POLE2: variants seen among roughly 807,000 people sequenced by gnomAD.
POLE2 encodes the protein DNA polymerase epsilon 2, accessory subunit.
In POLE2, 56 loss-of-function variants were observed where a neutral mutation model predicts 79.4. The observed-to-expected ratio is 0.71, with a 90% CI of 0.57 to 0.88. POLE2 has a LOEUF of 0.88. POLE2 is among the 40% of genes least tolerant of loss of function. The probability of loss-of-function intolerance (pLI) is 0.00; values close to 1 mark genes in which losing one functional copy is unlikely to be tolerated. For missense variants in POLE2, 598 were observed against 638.9 expected, an observed-to-expected ratio of 0.94 and a Z score of 0.69; for synonymous variants, 212 against 214.0, an observed-to-expected ratio of 0.99 and a Z score of 0.08.
chr14:49,671,373 C>T (rs1220249771), intron 5 of POLE2, among the ~76,000 whole-genome samples: 1 of 152,132 alleles, frequency 6.6e-6, no homozygotes, highest in Non-Finnish European at 1.5e-5. Flanking sequence ...GATCCTAACA[C>T]TTTGGGAGGC....
intron 15 of POLE2, among the ~76,000 whole-genome samples, chr14:49,653,615 G>GT (rs1162458779): frequency 6.6e-6 from 1 of 151,804 alleles, no homozygotes; most frequent in African/African-American, 2.4e-5. Context: ...AATCAAGTTA[G>GT]TTTTTTTGTT....
chr14:49,667,195 C>CAA (rs778056184), intron 6 of POLE2, among the ~76,000 whole-genome samples: 1 of 148,458 alleles, frequency 6.7e-6, no homozygotes, highest in Non-Finnish European at 1.5e-5. Context: ...AAAAAAAAAA[C>CAA]AAAAAAAACA....
intron 5 of POLE2, among the ~76,000 whole-genome samples, chr14:49,671,251 C>T (rs1238510939): frequency 6.6e-6 from 1 of 152,258 alleles, no homozygotes; most frequent in East Asian, 1.9e-4. Context: ...AGATAAACAA[C>T]GAATCCACAG....
At chr14:49,669,815 G>T (rs1195154216) in intron 5 of POLE2, among the ~76,000 whole-genome samples, 1 of 152,158 alleles carries the variant, frequency 6.6e-6, no homozygotes, top group Non-Finnish European at 1.5e-5. Context: ...AAGGTCTATT[G>T]TGTGTATGGC....
intron 3 of POLE2, among the ~76,000 whole-genome samples, chr14:49,676,751 G>A (rs917386814): frequency 6.6e-6 from 1 of 152,226 alleles, no homozygotes; most frequent in South Asian, 2.1e-4. Flanking sequence ...GGGAGCAGGA[G>A]CTGCCCAAAA....
chr14:49,645,713 CGAGCTCAAGT>C (rs893373461), intron 18 of POLE2, among the ~76,000 whole-genome samples: 16 of 152,264 alleles, frequency 1.1e-4, no homozygotes, highest in Admixed American at 5.2e-4. Context: ...CTCTGACTCC[CGAGCTCAAGT>C]GAGCTCAAGT....
chr14:49,684,543 T>G (rs1886981015), intron 1 of POLE2: 1 of 151,694 alleles, frequency 6.6e-6, no homozygotes, highest in Non-Finnish European at 1.5e-5. Context: ...CACATGAATT[T>G]GTGTTATACG....
intron 3 of POLE2, among the ~76,000 whole-genome samples, chr14:49,678,986 G>A (rs1368040141): frequency 1.3e-5 from 2 of 152,034 alleles, no homozygotes; most frequent in African/African-American, 4.8e-5. Flanking sequence ...GAGTTTGCAA[G>A]GGTAAAATTA....
Position 49,663,317 on chromosome 14 carries a change from A to G in POLE2, c.753T>C (p.Thr251=), listed in dbSNP as rs1239217409. ...GFPPTEPSST[T]RAYYGNINFF... Reference sequence around the variant, plus strand: ...GTATAAACCAAACATTTTAATACCTAGTAGTACTAGAGGGCTCAGTGGGTG... The same window carrying G: ...GTATAAACCAAACATTTTAATACCTGGTAGTACTAGAGGGCTCAGTGGGTG... Residue 251 remains threonine (T), a splice_region_variant and synonymous_variant, in exon 10 of 19, where the codon ACT becomes ACC. Coordinates refer to ENST00000216367, the MANE Select transcript of POLE2 (RefSeq NM_002692.4). 6 of 1,558,304 alleles carry G rather than the reference A, an allele frequency of 3.9e-6. No individual in the cohort carries two copies. The highest frequency in any genetic ancestry group is 5.3e-6 in the Non-Finnish European group (6 of 1,135,892).
At chr14:49,682,004 CT>C (rs1157649284) in intron 2 of POLE2, 2,236 of 132,946 alleles carry the variant, frequency 0.017, 31 homozygotes, top group African/African-American at 0.054. Flanking sequence ...TCCACTTATT[CT>C]TTTTTTTTTT....
At chr14:49,670,597 G>T (rs1249416085) in intron 5 of POLE2, among the ~76,000 whole-genome samples, 4 of 152,146 alleles carry the variant, frequency 2.6e-5, no homozygotes, top group African/African-American at 7.2e-5. Context: ...GCCAGTGATT[G>T]GTTCAAGGAT....
chr14:49,646,261 T>A (rs914563540), intron 18 of POLE2, among the ~76,000 whole-genome samples: 1 of 149,570 alleles, frequency 6.7e-6, no homozygotes, highest in Non-Finnish European at 1.5e-5. Flanking sequence ...GACAATAACC[T>A]GGAGGGGAGT....
In POLE2 at chr14:49,655,711, G is replaced by A; in HGVS notation, c.888C>T (p.Asp296=). 6.2e-7 allele frequency: 1 copy of A among 1,609,968 alleles called. No individual in the cohort carries two copies. The highest frequency in any genetic ancestry group is 8.5e-7 in the Non-Finnish European group (1 of 1,178,660). ...MFVFLSDVWL[D]QVEVLEKLRI... ...GAAGTTTTTCCAATACTTCCACCTG[G>A]TCCAACCAAACATCAGATAAAAACA... Residue 296 remains aspartate, a synonymous_variant, in exon 11 of 19, where the codon GAC becomes GAT. Transcript: ENST00000216367.
At chr14:49,674,089 C>T in intron 5 of POLE2, 34 bp downstream of exon 5, 1 of 1,146,740 alleles carries the variant, frequency 8.7e-7, no homozygotes, top group Non-Finnish European at 1.3e-6. Context: ...TCATTTTACC[C>T]AGTATCCTCC....
At chr14:49,656,612 T>C (rs1884697710) in intron 10 of POLE2, among the ~76,000 whole-genome samples, 1 of 152,130 alleles carries the variant, frequency 6.6e-6, no homozygotes. Flanking sequence ...TTTTATTCAA[T>C]GCTCACCAAG....
chr14:49,654,876 T>C, intron 12 of POLE2, 38 bp from the exon 13 acceptor site: 1 of 1,470,396 alleles, frequency 6.8e-7, no homozygotes, highest in South Asian at 1.4e-5. Flanking sequence ...AATTTGCATA[T>C]AATGCCATAA....
In POLE2 at chr14:49,688,142, A is replaced by G. The variant is rs1253079878; in HGVS notation, c.62T>C (p.Leu21Pro). The change falls in exon 1 of 19, where the codon CTC becomes CCC. Residue 21 changes from leucine (L) to proline (P), a missense_variant. Coordinates refer to ENST00000216367, the MANE Select transcript of POLE2 (RefSeq NM_002692.4). Reference protein sequence around the residue: ...LSAFKLRGLLLRGEAIKYLTE... With the variant: ...LSAFKLRGLLPRGEAIKYLTE... ...GCTGCCCGAGCCCACTCACCCACGG[A>G]GCAGCAAGCCCCGCAACTTGAAGGC... 1 of 1,555,954 alleles carries G rather than the reference A, an allele frequency of 6.4e-7. No homozygotes were observed. Among genetic ancestry groups the G allele is most frequent in the Non-Finnish European group, 8.7e-7 (1 of 1,151,772 alleles).
chr14:49,669,585 T>C lies in POLE2; in HGVS notation c.431A>G (p.His144Arg). ...YTILHQRTHR[H>R]ELFTPPVIGS... ...TATCACCGGAGGAGTAAATAATTCATGCCTGTGGGTCCTCTATAAAAAAGA... is the reference window on the plus strand; with the variant it reads ...TATCACCGGAGGAGTAAATAATTCACGCCTGTGGGTCCTCTATAAAAAAGA... Residue 144 changes from histidine (H) to arginine (R), a missense_variant, in exon 6 of 19, where the codon CAT (histidine) becomes CGT (arginine). Transcript: ENST00000216367. 6.4e-7 allele frequency: 1 copy of C among 1,574,034 alleles called. No homozygotes were observed. Among genetic ancestry groups the C allele is most frequent in the Non-Finnish European group, 8.7e-7 (1 of 1,143,884 alleles).
intron 3 of POLE2, chr14:49,677,319 A>G: frequency 1.9e-6 from 1 of 529,538 alleles, no homozygotes; most frequent in Non-Finnish European, 3.5e-6. Context: ...AGAAAGGCCG[A>G]AGGACGATGG....
Sources: gnomAD v4.1 joint callset for allele counts (sites outside exome capture counted in the v4.1 genomes callset) on GRCh38, gnomAD v4.1.1 for gene constraint, MANE v1.5 for transcripts, NCBI Gene and HGNC (gene_info 2026-07-23, HGNC 2026-07-21) for gene names.